Variants in YIPF7 observed in about 807,000 individuals in gnomAD.
The protein encoded by YIPF7 is protein YIPF7.
YIPF7 carries 35 observed loss-of-function variants against 27.2 expected under a neutral mutation model. The ratio of observed to expected loss-of-function variants is 1.29; its 90% CI spans 0.98 to 1.70. YIPF7 has a LOEUF of 1.70. Ranked by LOEUF, YIPF7 falls within the 40% of genes most tolerant of loss-of-function variation. The pLI, the probability that YIPF7 is intolerant of heterozygous loss-of-function variation, is 0.00. For missense variants in YIPF7, 358 were observed against 303.7 expected (o/e 1.18, Z -1.33); for synonymous variants, 137 against 110.4 (o/e 1.24, Z -1.51).
chr4:44,639,699 T>A (rs1713261972), intron 2 of YIPF7, among the ~76,000 whole-genome samples: 1 of 152,140 alleles, frequency 6.6e-6, no homozygotes, highest in African/African-American at 2.4e-5. Context: ...TTGCCTGATT[T>A]CTCTAGATAA....
At chr4:44,631,136 C>G (rs1577734398) in intron 3 of YIPF7, among the ~76,000 whole-genome samples, 1 of 152,100 alleles carries the variant, frequency 6.6e-6, no homozygotes, top group African/African-American at 2.4e-5. Context: ...TCTGAAGACA[C>G]AAAGCAGTAG....
Position 44,635,933 on chromosome 4 carries a change from G to T in YIPF7, c.269C>A (p.Pro90His). ...PYIDSFDEEP[P>H]LLEELGIHFD... is the part of the protein sequence containing the mutation. ...CTTCCTTAACTTATCTTCTAGCAAA[G>T]GAGGCTCTTCATCAAAACTGTCAAT... Residue 90 changes from proline (P) to histidine (H), a missense_variant, in exon 3 of 6, where the codon CCT (proline) becomes CAT (histidine). Transcript: ENST00000415895. 2 of 1,613,656 alleles carry T rather than the reference G, an allele frequency of 1.2e-6. No individual in the cohort carries two copies. The highest frequency in any genetic ancestry group is 1.7e-6 in the Non-Finnish European group (2 of 1,179,730).
chr4:44,655,238 T>C (rs1309132770), upstream of YIPF7, among the ~76,000 whole-genome samples: 1 of 152,060 alleles, frequency 6.6e-6, no homozygotes, highest in Non-Finnish European at 1.5e-5. Flanking sequence ...TCCAATATTT[T>C]AGTTGATGTC....
intron 3 of YIPF7, among the ~76,000 whole-genome samples, chr4:44,629,761 A>T (rs554230052): frequency 6.6e-6 from 1 of 152,314 alleles, no homozygotes; most frequent in East Asian, 1.9e-4. Context: ...ACTAAAAAAT[A>T]ATTTGGCTTC....
upstream of YIPF7, among the ~76,000 whole-genome samples, chr4:44,653,848 A>G (rs1030431634): frequency 2.0e-5 from 3 of 152,092 alleles, no homozygotes; most frequent in African/African-American, 7.2e-5. Context: ...TTTATGGTAC[A>G]TTCTTTTTTT....
At position 44,624,697 on chromosome 4, in the gene YIPF7, G is replaced by A; in HGVS notation, c.512C>T (p.Ser171Phe). The change falls in exon 5 of 6, where the codon TCT becomes TTT. Residue 171 changes from serine (S) to phenylalanine (F), a missense_variant. By Grantham distance (155) the Ser-to-Phe change is radical. Coordinates refer to ENST00000415895, the MANE Select transcript of YIPF7 (RefSeq NM_182592.3). ...VIHALLNLMS[S>F]SGVSYGCVAS... ...CACACAGCCGTACGACACCCCTGAA[G>A]AGCTCATCAGGTTCAGCAAGGCATG... is the stretch of plus-strand genomic sequence containing the variant. 1 of 1,610,336 alleles carries A rather than the reference G, an allele frequency of 6.2e-7. No homozygotes were observed. Among genetic ancestry groups the A allele is most frequent in the Non-Finnish European group, 8.5e-7 (1 of 1,178,402 alleles).
intron 2 of YIPF7, among the ~76,000 whole-genome samples, chr4:44,643,921 G>C (rs1323167795): frequency 1.3e-5 from 2 of 152,084 alleles, no homozygotes; most frequent in African/African-American, 2.4e-5. Context: ...CAGGGGTGGA[G>C]CCCTCATGGA....
chr4:44,643,276 A>G (rs974224601), intron 2 of YIPF7, among the ~76,000 whole-genome samples: 1 of 152,168 alleles, frequency 6.6e-6, no homozygotes, highest in Non-Finnish European at 1.5e-5. Flanking sequence ...GGGAAGTGTG[A>G]AATTTTAAAA....
At chr4:44,640,635 G>T (rs1182530372) in intron 2 of YIPF7, among the ~76,000 whole-genome samples, 27 of 152,148 alleles carry the variant, frequency 1.8e-4, no homozygotes. Flanking sequence ...AGGTGTCATA[G>T]CCAACCCAAC....
intron 1 of YIPF7, among the ~76,000 whole-genome samples, chr4:44,650,495 G>GCA (rs1491291480): frequency 9.5e-6 from 1 of 104,808 alleles, no homozygotes; most frequent in African/African-American, 3.5e-5. Flanking sequence ...GCACACACAT[G>GCA]CGCGCGCGCG....
chr4:44,640,198 T>C (rs547210790), intron 2 of YIPF7, among the ~76,000 whole-genome samples: 1 of 152,210 alleles, frequency 6.6e-6, no homozygotes, highest in Admixed American at 6.5e-5. Context: ...TTACTGGCCT[T>C]GTAGAATGAC....
chr4:44,656,747 T>C (rs1046166225), intron 2 of YIPF7, among the ~76,000 whole-genome samples: 2 of 151,768 alleles, frequency 1.3e-5, no homozygotes, highest in South Asian at 2.1e-4. Context: ...CAAAAGAAGA[T>C]AGGAGGCTGG....
intron 2 of YIPF7, among the ~76,000 whole-genome samples, chr4:44,656,864 A>G (rs1027430248): frequency 1.3e-5 from 2 of 152,170 alleles, no homozygotes; most frequent in African/African-American, 4.8e-5. Flanking sequence ...TCTAATAAGA[A>G]AAGTAAAAAT....
chr4:44,640,639 A>C (rs1416183874), intron 2 of YIPF7, among the ~76,000 whole-genome samples: 1 of 152,100 alleles, frequency 6.6e-6, no homozygotes, highest in African/African-American at 2.4e-5. Flanking sequence ...GTCATAGCCA[A>C]CCCAACTGTT....
intron 3 of YIPF7, among the ~76,000 whole-genome samples, chr4:44,633,707 A>G (rs1488328147): frequency 1.5e-5 from 2 of 130,830 alleles, no homozygotes; most frequent in African/African-American, 5.1e-5. Flanking sequence ...ATTAGGTGGC[A>G]AACACAAGCT....
rs556350246 is a variant in YIPF7 at position 44,648,235 on chromosome 4, A to T, written c.116+1750T>A. ...AATGTTTGGGACCAAAGTGTTTTAG[A>T]TTTCAGATTTTTATGGATTTTTGAA... is the stretch of plus-strand genomic sequence containing the variant. On this transcript the variant is annotated intron_variant, in intron 2 of 5. Coordinates refer to ENST00000415895, the MANE Select transcript of YIPF7 (RefSeq NM_182592.3). Among the ~76,000 whole-genome samples, 13 of 152,222 alleles carry T rather than the reference A, an allele frequency of 8.5e-5. No homozygotes were observed. The South Asian group carries it at 2.7e-3, about 32-fold the overall frequency.
chr4:44,647,699 T>TA (rs1374077078), intron 2 of YIPF7, among the ~76,000 whole-genome samples: 2 of 152,070 alleles, frequency 1.3e-5, no homozygotes, highest in South Asian at 2.1e-4. Flanking sequence ...TTTTCCAGCC[T>TA]AAAAAAAATT....
In YIPF7 at chr4:44,622,416, A is replaced by G; in HGVS notation, c.769T>C (p.Ter257GlnextTer38). The change falls in exon 6 of 6, where the codon TAA becomes CAA. Residue 257 changes from the stop codon to glutamine, a stop_lost. Coordinates refer to ENST00000415895, the MANE Select transcript of YIPF7 (RefSeq NM_182592.3). ...YGLFALLTIF[*>Q] ...TGAAATGCCATCTCAAACATTCTTTAGAAAATTGTTAGGAGGGCAAAAAGT... is the reference window on the plus strand; with the variant it reads ...TGAAATGCCATCTCAAACATTCTTTGGAAAATTGTTAGGAGGGCAAAAAGT... 6.2e-7 allele frequency: 1 copy of G among 1,610,646 alleles called. No homozygotes were observed. The highest frequency in any genetic ancestry group is 8.5e-7 in the Non-Finnish European group (1 of 1,178,588).
At chr4:44,634,091 A>G (rs1000075075) in intron 3 of YIPF7, among the ~76,000 whole-genome samples, 5 of 152,232 alleles carry the variant, frequency 3.3e-5, no homozygotes, top group African/African-American at 7.2e-5. Flanking sequence ...ATGGTTTCCT[A>G]TGATGGTCAA....
Sources: gnomAD v4.1 joint callset for allele counts (sites outside exome capture counted in the v4.1 genomes callset) on GRCh38, gnomAD v4.1.1 for gene constraint, MANE v1.5 for transcripts, NCBI Gene and HGNC (gene_info 2026-07-23, HGNC 2026-07-21) for gene names.